Variants in LARGE1 observed in about 807,000 individuals in gnomAD.
LARGE1 encodes xylosyl- and glucuronyltransferase LARGE1.
LARGE1 carries 43 observed loss-of-function variants against 87.6 expected under a neutral mutation model. The observed-to-expected ratio is 0.49, with a 90% CI of 0.38 to 0.63. LARGE1 has a LOEUF of 0.63. LARGE1 is among the 30% of genes least tolerant of loss of function. The pLI is 0.00. For synonymous variants in LARGE1, 434 were observed against 394.6 expected (o/e 1.10, Z -1.18); for missense variants, 802 against 1,000.2 (o/e 0.80, Z 2.67).
rs150811999 is a variant in LARGE1 at position 33,204,474 on chromosome 22, A to G, written c.1731-37642T>C. Among the ~76,000 whole-genome samples, 261 of 152,154 alleles carry G rather than the reference A, an allele frequency of 1.7e-3. 5 individuals carry two copies. In the East Asian group the frequency reaches 0.03, roughly 17 times the overall value. The stretch of plus-strand genomic sequence containing the variant: ...ATTTAATGGACTTATCAGCTTCCCA[A>G]TCTCAATATCTTCAAGACTCCTATA... On this transcript the variant is annotated intron_variant, in intron 11 of 11. Transcript: ENST00000608642.
At chr22:33,510,588 T>C (rs188579846) in intron 6 of LARGE1, among the ~76,000 whole-genome samples, 12 of 152,308 alleles carry the variant, frequency 7.9e-5, no homozygotes, top group Admixed American at 5.2e-4. Context: ...TTCTGTTTTG[T>C]TTTTGAGACA....
chr22:33,714,119 C>T (rs1276242895), intron 2 of LARGE1, among the ~76,000 whole-genome samples: 2 of 152,116 alleles, frequency 1.3e-5, no homozygotes, highest in African/African-American at 4.8e-5. Context: ...TGCCCTCCTA[C>T]CAAGTTGGCT....
intron 1 of LARGE1, among the ~76,000 whole-genome samples, chr22:33,790,646 C>G (rs5999099): frequency 0.22 from 34,197 of 152,056 alleles, 4,348 homozygotes; most frequent in East Asian, 0.38. Context: ...AGATTTCCAT[C>G]TATCTTTTTG....
At chr22:33,389,065 G>A (rs1307077814) in intron 7 of LARGE1, among the ~76,000 whole-genome samples, 2 of 152,320 alleles carry the variant, frequency 1.3e-5, no homozygotes, top group East Asian at 3.9e-4. Context: ...GGTGGCCTGG[G>A]CTAGGACTTG....
chr22:33,611,009 G>A (rs189368472), intron 4 of LARGE1, among the ~76,000 whole-genome samples: 82 of 152,354 alleles, frequency 5.4e-4, no homozygotes, highest in African/African-American at 1.8e-3. Flanking sequence ...CAAGAGTGAA[G>A]GAGGCTTGAC....
chr22:33,136,788 C>T, the LARGE1 span, among the ~76,000 whole-genome samples: 4 of 152,004 alleles, frequency 2.6e-5, no homozygotes, highest in African/African-American at 7.3e-5. Flanking sequence ...AAGCTTGGGA[C>T]ATGTGATCCA....
At chr22:33,500,377 G>A (rs1432804444) in intron 6 of LARGE1, among the ~76,000 whole-genome samples, 1 of 152,076 alleles carries the variant, frequency 6.6e-6, no homozygotes, top group East Asian at 1.9e-4. Flanking sequence ...CTCAATCTTC[G>A]AAAACTCCTA....
At chr22:33,339,903 T>G (rs1389359779) in intron 9 of LARGE1, among the ~76,000 whole-genome samples, 1 of 152,176 alleles carries the variant, frequency 6.6e-6, no homozygotes, top group Admixed American at 6.5e-5. Flanking sequence ...TGGGCTCAAG[T>G]GATCCTCCCA....
chr22:33,671,490 T>C (rs2081411193), intron 2 of LARGE1, among the ~76,000 whole-genome samples: 1 of 152,238 alleles, frequency 6.6e-6, no homozygotes, highest in African/African-American at 2.4e-5. Context: ...ACAGCAAAGT[T>C]GAGTCCTGCC....
intron 7 of LARGE1, 54 bp downstream of exon 7, chr22:33,432,107 C>G (rs907431445): frequency 5.0e-6 from 7 of 1,398,648 alleles, no homozygotes; most frequent in Admixed American, 1.7e-5. Context: ...GGAAGGAGCA[C>G]TGGGTCCTCA....
the LARGE1 span, among the ~76,000 whole-genome samples, chr22:33,106,460 T>C: frequency 6.6e-6 from 1 of 151,984 alleles, no homozygotes; most frequent in Middle Eastern, 3.5e-3. Flanking sequence ...TACCATTAGG[T>C]TGGTACAAAA....
chr22:33,503,242 C>CTTTTTTTTTTTTTTTTTTTTTTTTT (rs60105421), intron 6 of LARGE1, among the ~76,000 whole-genome samples: 2 of 142,810 alleles, frequency 1.4e-5, no homozygotes, highest in Non-Finnish European at 3.1e-5. Flanking sequence ...AGGAGTTCCC[C>CTTTTTTTTTTTTTTTTTTTTTTTTT]TTTTTTTTTT....
intron 6 of LARGE1, among the ~76,000 whole-genome samples, chr22:33,494,019 GCGATGC>G (rs2069983338): frequency 6.6e-6 from 1 of 152,238 alleles, no homozygotes; most frequent in Non-Finnish European, 1.5e-5. Flanking sequence ...TTTGTGCAAG[GCGATGC>G]CCACTCCGTG....
At chr22:33,074,017 C>G in the LARGE1 span, among the ~76,000 whole-genome samples, 4 of 152,110 alleles carry the variant, frequency 2.6e-5, no homozygotes, top group African/African-American at 9.7e-5. Context: ...TAAACTCATC[C>G]GGGCTTATTG....
intron 2 of LARGE1, among the ~76,000 whole-genome samples, chr22:33,696,668 AGTTTT>A (rs1481228598): frequency 1.3e-5 from 2 of 152,138 alleles, no homozygotes; most frequent in Non-Finnish European, 2.9e-5. Flanking sequence ...TGATGTTGTT[AGTTTT>A]GTTTTATTTT....
At chr22:33,341,785 C>G (rs1054205492) in intron 9 of LARGE1, among the ~76,000 whole-genome samples, 4 of 152,154 alleles carry the variant, frequency 2.6e-5, no homozygotes, top group Non-Finnish European at 5.9e-5. Context: ...CCTGTTTCCT[C>G]AAGTGCAAGG....
At chr22:33,371,175 ACTC>A (rs895805178) in intron 9 of LARGE1, among the ~76,000 whole-genome samples, 2 of 151,596 alleles carry the variant, frequency 1.3e-5, no homozygotes, top group African/African-American at 4.8e-5. Context: ...CAAAAAAAAA[ACTC>A]CTAAGAAATT....
At chr22:33,377,514 T>C (rs1187059838) in intron 9 of LARGE1, among the ~76,000 whole-genome samples, 1 of 152,254 alleles carries the variant, frequency 6.6e-6, no homozygotes, top group Admixed American at 6.5e-5. Flanking sequence ...AATATAATTT[T>C]CTTTTAGAGA....
Position 33,422,024 on chromosome 22 carries a change from C to T in LARGE1, c.892+10137G>A, listed in dbSNP as rs139231470. 2.6e-4 allele frequency among the ~76,000 whole-genome samples: 40 copies of T among 152,358 alleles called. 1 individual carries two copies. The East Asian group carries it at 6.4e-3, about 24-fold the overall frequency. ...GCCAAGCAGGCTTTCAGCTGGCCGA[C>T]TACTCTCTGTGAGCAAGGAGCATTA... On this transcript the variant is annotated intron_variant, in intron 7 of 14. Coordinates refer to ENST00000397394, the MANE Select transcript of LARGE1 (RefSeq NM_133642.5).
Sources: allele counts gnomAD v4.1 joint callset (sites outside exome capture counted in the v4.1 genomes callset), GRCh38; gene constraint gnomAD v4.1.1; transcripts MANE v1.5; gene names NCBI Gene and HGNC (gene_info 2026-07-23, HGNC 2026-07-21).